The following AKAP6 variants were observed in gnomAD, a reference collection of about 807,000 sequenced individuals.
The protein encoded by AKAP6 is A-kinase anchoring protein 6, also known as A-kinase anchor protein 6.
Under a neutral mutation model 188.5 loss-of-function variants are expected in AKAP6, and 58 were observed. That is an observed-to-expected ratio of 0.31 (90% CI 0.25 to 0.38). AKAP6 has a LOEUF of 0.38. Among genes scored for constraint, AKAP6 ranks in the 10% least tolerant of loss-of-function variants. The probability of loss-of-function intolerance (pLI) is 1.00; values close to 1 mark genes in which losing one functional copy is unlikely to be tolerated. For synonymous variants in AKAP6, 989 were observed against 998.6 expected, an observed-to-expected ratio of 0.99 and a Z score of 0.18; for missense variants, 2,710 against 2,740.0, an observed-to-expected ratio of 0.99 and a Z score of 0.24.
chr14:32,393,340 TATAAA>T (rs1242515597), intron 1 of AKAP6, among the ~76,000 whole-genome samples: 1 of 152,140 alleles, frequency 6.6e-6, no homozygotes, highest in African/African-American at 2.4e-5. Context: ...AGGAACACTC[TATAAA>T]ATAACAGGCT....
chr14:32,643,581 C>T (rs1887857189), intron 7 of AKAP6, among the ~76,000 whole-genome samples: 1 of 152,208 alleles, frequency 6.6e-6, no homozygotes, highest in African/African-American at 2.4e-5. Flanking sequence ...GTTGGGATTA[C>T]AGGCATGAGC....
rs1017364986 is a variant in AKAP6 at position 32,387,005 on chromosome 14, A to G, written c.-34-46455A>G. Among the ~76,000 whole-genome samples the G allele has an allele frequency of 2.0e-5, 3 of 152,076 alleles. No homozygotes were observed. In the South Asian group the frequency reaches 6.2e-4, roughly 31 times the overall value. ...CCAGTACCATGTTGTTTTGGTGACT[A>G]TGGCCTTACAGTGTAGTTTGAAATC... On this transcript the variant is annotated intron_variant, in intron 1 of 13. Coordinates refer to ENST00000280979, the MANE Select transcript of AKAP6 (RefSeq NM_004274.5).
intron 1 of AKAP6, among the ~76,000 whole-genome samples, chr14:32,370,337 G>T (rs1240776248): frequency 6.6e-6 from 1 of 152,206 alleles, no homozygotes; most frequent in Non-Finnish European, 1.5e-5. Flanking sequence ...CCATCAGTTT[G>T]TGCCTTACAA....
chr14:32,346,760 G>A (rs776582973), intron 1 of AKAP6, among the ~76,000 whole-genome samples: 9 of 152,106 alleles, frequency 5.9e-5, no homozygotes, highest in South Asian at 4.1e-4. Flanking sequence ...CACCCACCTC[G>A]GCCTCCCAAA....
At chr14:32,713,266 C>T (rs534035246) in intron 9 of AKAP6, among the ~76,000 whole-genome samples, 1 of 152,068 alleles carries the variant, frequency 6.6e-6, no homozygotes, top group African/African-American at 2.4e-5. Context: ...TTTGTTGTTC[C>T]ACTGATAGAG....
intron 1 of AKAP6, among the ~76,000 whole-genome samples, chr14:32,421,758 G>T (rs947055578): frequency 6.6e-6 from 1 of 152,184 alleles, no homozygotes; most frequent in Non-Finnish European, 1.5e-5. Flanking sequence ...TTGACTGAAT[G>T]TCACTGTAGG....
At chr14:32,655,198 T>C (rs1045238002) in intron 7 of AKAP6, among the ~76,000 whole-genome samples, 1 of 152,200 alleles carries the variant, frequency 6.6e-6, no homozygotes, top group Non-Finnish European at 1.5e-5. Context: ...AAATGAATTT[T>C]ATTTCAGTTA....
At chr14:32,716,589 G>C (rs1403083971) in intron 9 of AKAP6, among the ~76,000 whole-genome samples, 1 of 147,626 alleles carries the variant, frequency 6.8e-6, no homozygotes, top group Non-Finnish European at 1.5e-5. Context: ...CTGTCTTTTA[G>C]AAAATACATA....
chr14:32,381,215 G>A (rs945013708), intron 1 of AKAP6, among the ~76,000 whole-genome samples: 7 of 151,914 alleles, frequency 4.6e-5, no homozygotes, highest in Non-Finnish European at 1.0e-4. Flanking sequence ...TGGCACACGC[G>A]TGTAATCCCA....
rs1162974012 is a variant in AKAP6, at chr14:32,786,298, C to CTTTTTTTTTTTT, written c.3588+12421_3588+12432dup. Among the ~76,000 whole-genome samples the CTTTTTTTTTTTT allele has an allele frequency of 6.2e-4, 51 of 82,558 alleles. 3 individuals carry two copies. Among genetic ancestry groups the CTTTTTTTTTTTT allele is most frequent in the Non-Finnish European group, 8.8e-4 (41 of 46,668 alleles). 54.2% of individuals were successfully genotyped at this position (82,558 alleles called of 152,430 possible). ...CCCTCTGAAAGACCTAAACCTTTAT[C>CTTTTTTTTTTTT]TTTTTTTTTTTTTTTTTTTTTTTTT... On this transcript the variant is annotated intron_variant, in intron 12 of 13. Transcript: ENST00000280979.
intron 11 of AKAP6, among the ~76,000 whole-genome samples, chr14:32,748,886 G>A (rs867379333): frequency 6.6e-6 from 1 of 151,996 alleles, no homozygotes; most frequent in African/African-American, 2.4e-5. Flanking sequence ...ACCTTCTTTT[G>A]TAAACCCTCT....
chr14:32,509,863 T>C (rs1054947165), intron 2 of AKAP6, among the ~76,000 whole-genome samples: 2 of 152,172 alleles, frequency 1.3e-5, no homozygotes, highest in African/African-American at 2.4e-5. Context: ...CATTCCAACC[T>C]TGGTGTCTAT....
At chr14:32,729,574 A>G (rs941743142) in intron 9 of AKAP6, among the ~76,000 whole-genome samples, 43 of 152,138 alleles carry the variant, frequency 2.8e-4, no homozygotes, top group African/African-American at 1.0e-3. Context: ...GGCATTTAGA[A>G]TAGTACTGTC....
intron 2 of AKAP6, among the ~76,000 whole-genome samples, chr14:32,457,006 CT>C (rs200420042): frequency 6.6e-6 from 1 of 152,230 alleles, no homozygotes; most frequent in African/African-American, 2.4e-5. Context: ...CATAGACAGA[CT>C]TTTTTTATTG....
intron 9 of AKAP6, among the ~76,000 whole-genome samples, chr14:32,697,216 G>A (rs897358942): frequency 6.6e-6 from 1 of 151,956 alleles, no homozygotes; most frequent in Non-Finnish European, 1.5e-5. Flanking sequence ...ACTTTTCAAG[G>A]GTCTGGTTGA....
chr14:32,504,205 T>A (rs1256262452), intron 2 of AKAP6, among the ~76,000 whole-genome samples: 1 of 152,152 alleles, frequency 6.6e-6, no homozygotes, highest in Non-Finnish European at 1.5e-5. Context: ...AATGGAACCT[T>A]CAGTTATAGC....
chr14:32,684,935 G>A (rs1403441637), intron 8 of AKAP6, among the ~76,000 whole-genome samples: 1 of 152,268 alleles, frequency 6.6e-6, no homozygotes, highest in African/African-American at 2.4e-5. Flanking sequence ...TAGTGAGAGA[G>A]AGAGACATTT....
intron 2 of AKAP6, among the ~76,000 whole-genome samples, chr14:32,511,394 A>G (rs1594694217): frequency 1.5e-5 from 2 of 133,870 alleles, no homozygotes; most frequent in African/African-American, 2.9e-5. Context: ...TTTTTTTGAG[A>G]CGGAGTCTCA....
Position 32,546,215 on chromosome 14 carries a change from C to T in AKAP6, c.1562C>T (p.Ala521Val). Reference protein sequence around the residue: ...PKRGTGSGKQAKNTKSSAVPN... With the variant: ...PKRGTGSGKQVKNTKSSAVPN... ...CGGGGGACTGGTTCAGGCAAACAAGCTAAAAATACAAAGAGCTCAGCAGTG... is the reference window on the plus strand; with the variant it reads ...CGGGGGACTGGTTCAGGCAAACAAGTTAAAAATACAAAGAGCTCAGCAGTG... The change falls in exon 4 of 14, where the codon GCT becomes GTT. Residue 521 changes from alanine (A) to valine (V), a missense_variant. Ala to Val is a moderately conservative substitution (Grantham distance 64). Around this residue, in one of 2 missense-constraint regions of AKAP6, gnomAD observed 2,473 missense variants for 2,426.1 expected, o/e 1.02. Coordinates refer to ENST00000280979, the MANE Select transcript of AKAP6 (RefSeq NM_004274.5). 6.2e-7 allele frequency: 1 copy of T among 1,614,162 alleles called. No individual in the cohort carries two copies. The highest frequency in any genetic ancestry group is 8.5e-7 in the Non-Finnish European group (1 of 1,180,022).
Sources: allele counts gnomAD v4.1 joint callset (sites outside exome capture counted in the v4.1 genomes callset), GRCh38; gene constraint gnomAD v4.1.1; regional missense constraint gnomAD v4.1.1; transcripts MANE v1.5; gene names NCBI Gene and HGNC (gene_info 2026-07-23, HGNC 2026-07-21).